The following CTCF variants were observed in gnomAD, a reference collection of about 807,000 sequenced individuals.
CTCF encodes CCCTC-binding factor, also known as transcriptional repressor CTCF.
A neutral mutation model predicts 72.3 loss-of-function variants in CTCF; 7 were observed. The observed-to-expected ratio is 0.10, with a 90% CI of 0.06 to 0.18. The LOEUF (loss-of-function observed/expected upper bound fraction) is 0.18, where lower values mean the gene tolerates loss of function less well. Ranked by LOEUF, CTCF falls within the 10% of genes least tolerant of loss-of-function variation. The pLI is 1.00. For missense variants in CTCF, 516 were observed against 949.1 expected (o/e 0.54, Z 6.00); for synonymous variants, 374 against 315.8 (o/e 1.18, Z -1.95).
chr16:67,580,868 G>A (rs534248445), intron 2 of CTCF, among the ~76,000 whole-genome samples: 32 of 151,012 alleles, frequency 2.1e-4, no homozygotes, highest in Non-Finnish European at 4.4e-4. Flanking sequence ...CACCCACGTC[G>A]GCCTCCCAAA....
At chr16:67,580,929 A>T (rs1016257474) in intron 2 of CTCF, among the ~76,000 whole-genome samples, 8 of 137,794 alleles carry the variant, frequency 5.8e-5, no homozygotes, top group East Asian at 2.2e-4. Flanking sequence ...CTTATTTTTT[A>T]TTTATTTATT....
At chr16:67,622,576 TTA>T (rs918799192) in intron 7 of CTCF, among the ~76,000 whole-genome samples, 4 of 152,062 alleles carry the variant, frequency 2.6e-5, no homozygotes, top group Non-Finnish European at 4.4e-5. Context: ...CTCCAGTTCT[TTA>T]TGAGTGAGCG....
chr16:67,584,273 G>C (rs1453763741), intron 2 of CTCF, among the ~76,000 whole-genome samples: 1 of 149,920 alleles, frequency 6.7e-6, no homozygotes, highest in Non-Finnish European at 1.5e-5. Flanking sequence ...AGTGAGCTGA[G>C]ATGGTGCCAT....
chr16:67,570,991 C>T (rs1256906613), intron 1 of CTCF, 157 bp from the exon 2 acceptor site: 1 of 152,046 alleles, frequency 6.6e-6, no homozygotes, highest in African/African-American at 2.4e-5. Context: ...TGATGGTGGA[C>T]ATTTATGGAA....
chr16:67,586,355 T>C (rs1405890333), intron 2 of CTCF, among the ~76,000 whole-genome samples: 3 of 151,938 alleles, frequency 2.0e-5, no homozygotes, highest in African/African-American at 4.8e-5. Flanking sequence ...GCCAAGATGG[T>C]GAAATCCTGT....
At chr16:67,616,928 A>G (rs1346666843) in intron 5 of CTCF, 50 bp downstream of exon 5, 2 of 1,586,276 alleles carry the variant, frequency 1.3e-6, no homozygotes, top group Admixed American at 3.3e-5. Context: ...ACCATGATTT[A>G]TTTCAATACA....
At chr16:67,628,630 T>G in intron 9 of CTCF, 78 bp downstream of exon 9, 1 of 1,395,432 alleles carries the variant, frequency 7.2e-7, no homozygotes, top group Non-Finnish European at 1.0e-6. Flanking sequence ...AGCATGGTAG[T>G]TTTTTTCACT....
rs539193582 is a variant in CTCF, at chr16:67,634,837, G to A, written c.1838-1853G>A. ...TTCTGCCTCAGCCTCCTGAGTAGCT[G>A]GGATTACAGGTGCCGCCACCACACC... On this transcript the variant is annotated intron_variant, in intron 10 of 11. Transcript: ENST00000264010. 4.6e-5 allele frequency among the ~76,000 whole-genome samples: 7 copies of A among 151,420 alleles called. No individual in the cohort carries two copies. The South Asian group carries it at 1.5e-3, about 32-fold the overall frequency.
intron 1 of CTCF, chr16:67,563,437 C>G (rs891738501): frequency 6.6e-6 from 1 of 152,172 alleles, no homozygotes; most frequent in East Asian, 1.9e-4. Flanking sequence ...CCAGAGCTGC[C>G]GAGAGCTCCC....
At chr16:67,580,891 C>CA (rs1412799837) in intron 2 of CTCF, among the ~76,000 whole-genome samples, 5 of 151,540 alleles carry the variant, frequency 3.3e-5, no homozygotes, top group African/African-American at 1.2e-4. Context: ...GCTGGGATTA[C>CA]AGGCGTGAGC....
chr16:67,627,754 C>T (rs1435131502), intron 8 of CTCF: 1 of 152,196 alleles, frequency 6.6e-6, no homozygotes, highest in Non-Finnish European at 1.5e-5. Context: ...CAAGACCATC[C>T]TAGCTAACAC....
chr16:67,585,719 T>C (rs1271901569), intron 2 of CTCF, among the ~76,000 whole-genome samples: 1 of 152,186 alleles, frequency 6.6e-6, no homozygotes, highest in African/African-American at 2.4e-5. Flanking sequence ...CTATCACATA[T>C]TTACAGAGGT....
chr16:67,631,021 T>C (rs1035688454), intron 10 of CTCF, among the ~76,000 whole-genome samples: 2 of 152,168 alleles, frequency 1.3e-5, no homozygotes, highest in Non-Finnish European at 2.9e-5. Context: ...TGATGCCTGA[T>C]AGTCTAGGGA....
intron 10 of CTCF, among the ~76,000 whole-genome samples, chr16:67,635,888 C>A (rs2052422190): frequency 6.6e-6 from 1 of 151,824 alleles, no homozygotes; most frequent in Non-Finnish European, 1.5e-5. Context: ...AGCCTCCCAA[C>A]GTGCTGGGAT....
chr16:67,608,192 T>C (rs1291533368), intron 2 of CTCF, among the ~76,000 whole-genome samples: 1 of 151,536 alleles, frequency 6.6e-6, no homozygotes, highest in Non-Finnish European at 1.5e-5. Context: ...GGCATGGTGG[T>C]GGGCGCCTGT....
chr16:67,629,719 C>T (rs1184232387), intron 10 of CTCF, among the ~76,000 whole-genome samples, 186 bp downstream of exon 10: 1 of 53,186 alleles, frequency 1.9e-5, no homozygotes, highest in Admixed American at 2.2e-4. Context: ...TTTCTTTTTT[C>T]TTCGTGGCAT....
rs58241150 is a variant in CTCF at position 67,601,294 on chromosome 16, CGTGTGTGTGT to C, written c.-9-9495_-9-9486del. On this transcript the variant is annotated intron_variant, in intron 2 of 11. Coordinates refer to ENST00000264010, the MANE Select transcript of CTCF (RefSeq NM_006565.4). ...TTAAGACAGAGTCTCACTCTGTCAC[CGTGTGTGTGT>C]GTGTGTGTGTGTGTGTGTGTGTGTG... Among the ~76,000 whole-genome samples the C allele has an allele frequency of 6.5e-3, 637 of 98,686 alleles. 3 individuals carry two copies. Among genetic ancestry groups the C allele is most frequent in the Non-Finnish European group, 8.7e-3 (440 of 50,434 alleles). 64.7% of individuals were successfully genotyped at this position (98,686 alleles called of 152,430 possible).
chr16:67,577,618 A>AT (rs920683965), intron 2 of CTCF, among the ~76,000 whole-genome samples: 30 of 146,548 alleles, frequency 2.0e-4, no homozygotes, highest in Non-Finnish European at 3.3e-4. Context: ...TTTTTTTTGT[A>AT]TTTTTTTTAG....
chr16:67,610,795 A>G, intron 2 of CTCF, 29 bp from the exon 3 acceptor site: 1 of 1,400,506 alleles, frequency 7.1e-7, no homozygotes, highest in Non-Finnish European at 9.4e-7. Flanking sequence ...TTTGCTTTAA[A>G]TAACAATCTG....
Sources: gnomAD v4.1 joint callset for allele counts (sites outside exome capture counted in the v4.1 genomes callset) on GRCh38, gnomAD v4.1.1 for gene constraint, MANE v1.5 for transcripts, NCBI Gene and HGNC (gene_info 2026-07-23, HGNC 2026-07-21) for gene names.